The following ALDH5A1 variants were observed in gnomAD, a reference collection of about 807,000 sequenced individuals.
ALDH5A1 encodes succinate-semialdehyde dehydrogenase, mitochondrial.
ALDH5A1 carries 33 observed loss-of-function variants against 54.7 expected under a neutral mutation model. The observed-to-expected ratio is 0.60, with a 90% CI of 0.46 to 0.81. ALDH5A1 has a LOEUF of 0.81. Ranked by LOEUF, ALDH5A1 falls within the 30% of genes least tolerant of loss-of-function variation. ALDH5A1 has a pLI of 0.00. For synonymous variants in ALDH5A1, 294 were observed against 292.7 expected, an observed-to-expected ratio of 1.00 and a Z score of -0.05; for missense variants, 657 against 711.0, an observed-to-expected ratio of 0.92 and a Z score of 0.86.
rs974583935 is a variant in ALDH5A1, at chr6:24,536,294, T to G, written c.*2582T>G. 2.0e-5 allele frequency: 3 copies of G among 152,198 alleles called. No homozygotes were observed. Among genetic ancestry groups the G allele is most frequent in the Non-Finnish European group, 2.9e-5 (2 of 68,030 alleles). The allele number at this position is 152,198 out of a possible 1,614,324, so 9.4% of individuals were successfully genotyped here. ...AATGGTTTATATGTTTTCAAATGAT[T>G]GGGCAGAAAATCAAAAGAAGAACAA... On this transcript the variant is annotated 3_prime_UTR_variant, in exon 10 of 10. Transcript: ENST00000357578.
chr6:24,506,928 ATT>A, intron 4 of ALDH5A1, among the ~76,000 whole-genome samples: 1 of 24,784 alleles, frequency 4.0e-5, no homozygotes, highest in African/African-American at 2.0e-4. Flanking sequence ...CTCAGATTTT[ATT>A]AGTCTGTACC....
chr6:24,503,298 C>T lies in ALDH5A1; in HGVS notation c.474C>T (p.Leu158=). 1 of 1,614,112 alleles carries T rather than the reference C, an allele frequency of 6.2e-7. No homozygotes were observed. The highest frequency in any genetic ancestry group is 8.5e-7 in the Non-Finnish European group (1 of 1,180,042). ...TGAAGGAGGCACATGGAGAAATTCTCTATTCCGCCTTTTTCCTAGAGTGGT... is the reference window on the plus strand; with the variant it reads ...TGAAGGAGGCACATGGAGAAATTCTTTATTCCGCCTTTTTCCTAGAGTGGT... ...KPLKEAHGEI[L]YSAFFLEWFS... The change falls in exon 3 of 10, where the codon CTC becomes CTT. Residue 158 remains leucine, a synonymous_variant. Coordinates refer to ENST00000357578, the MANE Select transcript of ALDH5A1 (RefSeq NM_001080.3).
In ALDH5A1 at chr6:24,522,587, C is replaced by T. The variant is rs76698381; in HGVS notation, c.1015-180C>T. 1.4e-4 allele frequency: 87 copies of T among 622,328 alleles called. No individual in the cohort carries two copies. In the East Asian group the frequency reaches 2.4e-3, roughly 17 times the overall value. The allele number at this position is 622,328 out of a possible 1,614,324, so 38.6% of individuals were successfully genotyped here. On this transcript the variant is annotated intron_variant, in intron 6 of 9. Transcript: ENST00000357578. Reference sequence around the variant, plus strand: ...GTGGAGGGAACTGGAGGGGAACATGCACTGACTCAGTGCTTTTATCTTTGG... The same window carrying T: ...GTGGAGGGAACTGGAGGGGAACATGTACTGACTCAGTGCTTTTATCTTTGG...
chr6:24,495,153 G>C lies in ALDH5A1; in HGVS notation c.157G>C (p.Gly53Arg). ...CCGCTGCTACGCTGGGCGCCTGGCG[G>C]GCCTCTCTGCGGCGCTGCTGCGCAC... ...QLRCYAGRLA[G>R]LSAALLRTDS... is the part of the protein sequence containing the mutation. The change falls in exon 1 of 10, where the codon GGC (glycine) becomes CGC (arginine). Residue 53 changes from glycine to arginine, a missense_variant. This residue lies in a region of ALDH5A1 where 232 missense variants were observed against 194.6 expected (regional missense o/e 1.19). Transcript: ENST00000357578. 1 of 1,432,974 alleles carries C rather than the reference G, an allele frequency of 7.0e-7. No individual in the cohort carries two copies. Among genetic ancestry groups the C allele is most frequent in the Non-Finnish European group, 9.1e-7 (1 of 1,099,774 alleles). The allele number at this position is 1,432,974 out of a possible 1,614,324, so 88.8% of individuals were successfully genotyped here.
At chr6:24,504,766 A>T in intron 3 of ALDH5A1, 103 bp from the exon 4 acceptor site, 1 of 1,154,088 alleles carries the variant, frequency 8.7e-7, no homozygotes, top group Non-Finnish European at 1.3e-6. Context: ...TTTGTCAATC[A>T]GTTGTGCAAT....
At chr6:24,508,116 G>A (rs558511590) in intron 4 of ALDH5A1, among the ~76,000 whole-genome samples, 1 of 152,064 alleles carries the variant, frequency 6.6e-6, no homozygotes, top group East Asian at 1.9e-4. Flanking sequence ...TGTAATCCCA[G>A]CACTTTGAGA....
intron 4 of ALDH5A1, chr6:24,511,953 G>C: frequency 2.0e-6 from 1 of 500,376 alleles, no homozygotes; most frequent in Non-Finnish European, 3.6e-6. Context: ...CTTCTTATTG[G>C]GGTAGGCTCT....
At chr6:24,513,997 A>T (rs952144506) in intron 4 of ALDH5A1, among the ~76,000 whole-genome samples, 2 of 152,196 alleles carry the variant, frequency 1.3e-5, no homozygotes, top group Non-Finnish European at 2.9e-5. Flanking sequence ...TTTCATGAGG[A>T]TATTGAGGGA....
intron 1 of ALDH5A1, among the ~76,000 whole-genome samples, chr6:24,498,604 A>C (rs987974168): frequency 2.6e-5 from 4 of 152,206 alleles, no homozygotes; most frequent in Non-Finnish European, 5.9e-5. Context: ...CCCCTTGAAC[A>C]TTACAGTGAT....
chr6:24,502,481 T>G, intron 1 of ALDH5A1, 42 bp from the exon 2 acceptor site: 1 of 1,400,788 alleles, frequency 7.1e-7, no homozygotes, highest in Non-Finnish European at 1.0e-6. Flanking sequence ...TGTCTTACAC[T>G]TGGCATTTTA....
chr6:24,503,482 G>A (rs1314846664), intron 3 of ALDH5A1, 49 bp downstream of exon 3: 3 of 1,595,578 alleles, frequency 1.9e-6, no homozygotes, highest in Non-Finnish European at 2.6e-6. Flanking sequence ...TGGATAGGGA[G>A]TTGGGAAACA....
At chr6:24,504,848 C>A in intron 3 of ALDH5A1, 21 bp from the exon 4 acceptor site, 1 of 1,607,278 alleles carries the variant, frequency 6.2e-7, no homozygotes, top group Non-Finnish European at 8.5e-7. Flanking sequence ...TCACATACTT[C>A]CTCTGCTCTT....
intron 7 of ALDH5A1, among the ~76,000 whole-genome samples, chr6:24,525,758 A>G (rs1759787371): frequency 6.6e-6 from 1 of 152,082 alleles, no homozygotes; most frequent in South Asian, 2.1e-4. Context: ...TGCAGAGGAA[A>G]TTGGTGCCAT....
rs374241454 is a variant in ALDH5A1 at position 24,534,756 on chromosome 6, C to G, written c.*1044C>G. The G allele has an allele frequency of 8.5e-5, 13 of 152,502 alleles. 1 individual carries two copies. Among genetic ancestry groups the G allele is most frequent in the African/African-American group, 3.1e-4 (13 of 41,590 alleles). The allele number at this position is 152,502 out of a possible 1,614,324, so 9.4% of individuals were successfully genotyped here. The stretch of plus-strand genomic sequence containing the variant: ...AGGCCAGTGCCCACTTGCCCACCGA[C>G]CTGAGCCTGAGTAAGTGGCTGTCAC... On this transcript the variant is annotated 3_prime_UTR_variant, in exon 10 of 10. Transcript: ENST00000357578.
At chr6:24,530,190 C>T (rs1759905423) in intron 8 of ALDH5A1, among the ~76,000 whole-genome samples, 1 of 152,054 alleles carries the variant, frequency 6.6e-6, no homozygotes, top group Non-Finnish European at 1.5e-5. Flanking sequence ...CATCTGCCAG[C>T]ATATTAATGC....
intron 5 of ALDH5A1, 40 bp downstream of exon 5, chr6:24,515,350 A>G: frequency 6.2e-7 from 1 of 1,603,076 alleles, no homozygotes; most frequent in Non-Finnish European, 8.5e-7. Flanking sequence ...ATGTCTTTCT[A>G]ATATTTTATC....
At chr6:24,513,959 G>T (rs1159084660) in intron 4 of ALDH5A1, among the ~76,000 whole-genome samples, 1 of 152,224 alleles carries the variant, frequency 6.6e-6, no homozygotes, top group Non-Finnish European at 1.5e-5. Context: ...ATGTCTCTGA[G>T]ATTTGGGGTT....
chr6:24,526,972 G>C (rs1365223899), intron 7 of ALDH5A1, among the ~76,000 whole-genome samples: 89 of 8,266 alleles, frequency 0.011, no homozygotes, highest in African/African-American at 0.016. Context: ...ATATGTGTGT[G>C]TGTATATATA....
chr6:24,524,533 C>G (rs1759765674), intron 7 of ALDH5A1, among the ~76,000 whole-genome samples: 1 of 152,182 alleles, frequency 6.6e-6, no homozygotes, highest in Non-Finnish European at 1.5e-5. Context: ...ATGGCTGCCT[C>G]CACCCCGTGG....
Sources: allele counts gnomAD v4.1 joint callset (sites outside exome capture counted in the v4.1 genomes callset), GRCh38; gene constraint gnomAD v4.1.1; regional missense constraint gnomAD v4.1.1; transcripts MANE v1.5; gene names NCBI Gene and HGNC (gene_info 2026-07-23, HGNC 2026-07-21).